Variants in MALT1 observed in about 807,000 individuals in gnomAD.
MALT1 encodes the protein mucosa-associated lymphoid tissue lymphoma translocation protein 1.
MALT1 carries 36 observed loss-of-function variants against 85.5 expected under a neutral mutation model. The ratio of observed to expected loss-of-function variants is 0.42; its 90% confidence interval spans 0.32 to 0.56. The LOEUF is 0.56. MALT1 is among the 20% of genes least tolerant of loss of function. MALT1 has a pLI of 0.10. For missense variants in MALT1, 716 were observed against 981.6 expected (o/e 0.73, Z 3.62); for synonymous variants, 359 against 361.3 (o/e 0.99, Z 0.07).
rs1233350703 is a variant in MALT1, at chr18:58,683,562, C to T, written c.376+2226C>T. Among the ~76,000 whole-genome samples the T allele has an allele frequency of 7.9e-5, 12 of 152,260 alleles. No homozygotes were observed. The East Asian group carries it at 2.3e-3, about 29-fold the overall frequency. The stretch of plus-strand genomic sequence containing the variant: ...AAACCGGGCTTGACTGAAATTGAGT[C>T]ATATATTTACTTAGGTGTAACAATT... On this transcript the variant is annotated intron_variant, in intron 2 of 16. Coordinates refer to ENST00000649217, the MANE Select transcript of MALT1 (RefSeq NM_006785.4).
Position 58,747,751 on chromosome 18 carries a change from C to T in MALT1, c.2384C>T (p.Ser795Leu). The T allele has an allele frequency of 6.2e-7, 1 of 1,614,130 alleles. No individual in the cohort carries two copies. The highest frequency in any genetic ancestry group is 8.5e-7 in the Non-Finnish European group (1 of 1,179,962). ...AFISSFAHHA[S>L]CHFSRSNVPV... ...ATTTCAAGTTTCGCTCACCATGCTT[C>T]ATGTCATTTTAGTAGAAGTAATGTG... The change falls in exon 17 of 17, where the codon TCA (serine) becomes TTA (leucine). Residue 795 changes from serine to leucine, a missense_variant. Coordinates refer to ENST00000649217, the MANE Select transcript of MALT1 (RefSeq NM_006785.4).
chr18:58,714,019 TCTTA>T, intron 7 of MALT1, 60 bp from the exon 8 acceptor site: 5 of 776,294 alleles, frequency 6.4e-6, no homozygotes, highest in Non-Finnish European at 1.1e-5. Context: ...CTTGGATTAG[TCTTA>T]CTATTTGTGC....
At chr18:58,688,524 G>T (rs998620904) in intron 2 of MALT1, among the ~76,000 whole-genome samples, 2 of 101,326 alleles carry the variant, frequency 2.0e-5, no homozygotes, top group African/African-American at 7.9e-5. Flanking sequence ...ACATAATGAG[G>T]CCCTGTTTCT....
chr18:58,710,961 A>G lies in MALT1; in HGVS notation c.958+8A>G, dbSNP rs1295913865. The G allele has an allele frequency of 6.4e-7, 1 of 1,567,238 alleles. No homozygotes were observed. Among genetic ancestry groups the G allele is most frequent in the African/African-American group, 1.4e-5 (1 of 72,048 alleles). Reference sequence around the variant, plus strand: ...CAGTGGAGTGCACTGAAGGTAGTGTAAGTCTTTGGTTTGAAACCAAATCTC... The same window carrying G: ...CAGTGGAGTGCACTGAAGGTAGTGTGAGTCTTTGGTTTGAAACCAAATCTC... On this transcript the variant is annotated splice_region_variant and intron_variant, in intron 7 of 16. Coordinates refer to ENST00000649217, the MANE Select transcript of MALT1 (RefSeq NM_006785.4).
intron 3 of MALT1, chr18:58,697,055 C>T (rs2054600472): frequency 6.6e-6 from 1 of 152,150 alleles, no homozygotes; most frequent in African/African-American, 2.4e-5. Flanking sequence ...TTCAGAGTTC[C>T]TTGAGCCATC....
At chr18:58,729,321 C>T (rs1305737897) in intron 10 of MALT1, among the ~76,000 whole-genome samples, 1 of 151,884 alleles carries the variant, frequency 6.6e-6, no homozygotes, top group African/African-American at 2.4e-5. Context: ...GAAACCCTGT[C>T]TCTACTAAAA....
intron 10 of MALT1, among the ~76,000 whole-genome samples, chr18:58,727,634 T>C (rs1302558578): frequency 1.3e-5 from 2 of 150,296 alleles, no homozygotes; most frequent in South Asian, 4.2e-4. Context: ...TTTTGTTTTT[T>C]TTTTTTTTGA....
At chr18:58,738,943 A>G (rs568957004) in intron 13 of MALT1, among the ~76,000 whole-genome samples, 1 of 152,318 alleles carries the variant, frequency 6.6e-6, no homozygotes, top group East Asian at 1.9e-4. Context: ...AAATACTGCT[A>G]ATGTCTTCAC....
rs1415686324 is a variant in MALT1, at chr18:58,749,157, A to G, written c.*1315A>G. 1 of 218,020 alleles carries G rather than the reference A, an allele frequency of 4.6e-6. No individual in the cohort carries two copies. Among genetic ancestry groups the G allele is most frequent in the Admixed American group, 5.8e-5 (1 of 17,262 alleles). 13.5% of individuals were successfully genotyped at this position (218,020 alleles called of 1,614,324 possible). ...CAGTCAGTTCTCATTATTCACAGTAATTATGTTCTACAGAATATTCTCCCA... is the reference window on the plus strand; with the variant it reads ...CAGTCAGTTCTCATTATTCACAGTAGTTATGTTCTACAGAATATTCTCCCA... On this transcript the variant is annotated 3_prime_UTR_variant, in exon 17 of 17. Coordinates refer to ENST00000649217, the MANE Select transcript of MALT1 (RefSeq NM_006785.4).
At chr18:58,735,439 G>C in intron 13 of MALT1, 110 bp downstream of exon 13, 2 of 1,144,172 alleles carry the variant, frequency 1.7e-6, no homozygotes, top group Non-Finnish European at 2.4e-6. Context: ...TGTGGGTTTG[G>C]AATTAGTACC....
intron 7 of MALT1, 34 bp from the exon 8 acceptor site, chr18:58,714,048 GA>G: frequency 9.6e-7 from 1 of 1,041,356 alleles, no homozygotes; most frequent in Non-Finnish European, 1.5e-6. Flanking sequence ...TTGGTGTTTA[GA>G]TTACTTAATC....
intron 8 of MALT1, among the ~76,000 whole-genome samples, chr18:58,715,582 C>G (rs1423770115): frequency 3.3e-5 from 5 of 152,190 alleles, no homozygotes; most frequent in Non-Finnish European, 4.4e-5. Context: ...TTACTAGCTT[C>G]ATAACTTTGG....
chr18:58,677,424 A>G (rs1055431334), intron 1 of MALT1, among the ~76,000 whole-genome samples: 4 of 152,174 alleles, frequency 2.6e-5, no homozygotes, highest in African/African-American at 9.6e-5. Context: ...CATAAAAATT[A>G]TATTTAGCAT....
chr18:58,678,463 G>T (rs1410321382), intron 1 of MALT1, among the ~76,000 whole-genome samples: 1 of 152,086 alleles, frequency 6.6e-6, no homozygotes, highest in Non-Finnish European at 1.5e-5. Flanking sequence ...CTGCGTGTGT[G>T]TGTGTATACA....
chr18:58,703,191 T>C (rs1040769328), intron 4 of MALT1, among the ~76,000 whole-genome samples: 6 of 152,064 alleles, frequency 3.9e-5, no homozygotes, highest in African/African-American at 1.4e-4. Flanking sequence ...ACCCTGTCTC[T>C]ACTAAAAATA....
At chr18:58,691,299 C>T (rs2054495232) in intron 2 of MALT1, 1 of 668,096 alleles carries the variant, frequency 1.5e-6, no homozygotes, top group South Asian at 1.4e-5. Flanking sequence ...CGATTTGCAA[C>T]CACATAGCCT....
intron 11 of MALT1, 107 bp from the exon 12 acceptor site, chr18:58,734,200 T>G (rs4940746): frequency 0.017 from 17,687 of 1,063,032 alleles, 1,105 homozygotes; most frequent in Admixed American, 0.15. Context: ...TAATTTTAAA[T>G]TATGTATTCT....
intron 1 of MALT1, among the ~76,000 whole-genome samples, chr18:58,676,532 C>T (rs571892001): frequency 6.6e-6 from 1 of 152,332 alleles, no homozygotes; most frequent in East Asian, 1.9e-4. Flanking sequence ...TTGCTGCCTA[C>T]TCAGGCTGAG....
intron 2 of MALT1, among the ~76,000 whole-genome samples, chr18:58,686,111 T>G (rs1353322784): frequency 6.6e-6 from 1 of 152,080 alleles, no homozygotes; most frequent in East Asian, 1.9e-4. Context: ...CACTGCAACC[T>G]CATCTCCCAG....
Sources: gnomAD v4.1 joint callset for allele counts (sites outside exome capture counted in the v4.1 genomes callset) on GRCh38, gnomAD v4.1.1 for gene constraint, MANE v1.5 for transcripts, NCBI Gene and HGNC (gene_info 2026-07-23, HGNC 2026-07-21) for gene names.